Variants in DCTN1 observed in about 807,000 individuals in gnomAD.
The protein encoded by DCTN1 is dynactin subunit 1.
A neutral mutation model predicts 161.2 loss-of-function variants in DCTN1; 61 were observed. The observed-to-expected ratio is 0.38, with a 90% CI of 0.31 to 0.47. DCTN1 has a LOEUF of 0.47. DCTN1 is among the 20% of genes least tolerant of loss of function. The pLI, the probability that DCTN1 is intolerant of heterozygous loss-of-function variation, is 0.99. For missense variants in DCTN1, 1,404 were observed against 1,623.7 expected, an observed-to-expected ratio of 0.86 and a Z score of 2.33; for synonymous variants, 653 against 632.4, an observed-to-expected ratio of 1.03 and a Z score of -0.49.
At position 74,377,555 on chromosome 2, in the gene DCTN1, A is replaced by C. The variant is rs72659367; in HGVS notation, c.359-89T>G. 1,905 of 1,523,210 alleles carry C rather than the reference A, an allele frequency of 1.3e-3. 1 individual carries two copies. The highest frequency in any genetic ancestry group is 5.6e-3 in the Middle Eastern group (33 of 5,884). The allele number at this position is 1,523,210 out of a possible 1,614,324, so 94.4% of individuals were successfully genotyped here. Reference sequence around the variant, plus strand: ...GGGAATATGGTAGTGACGGAAAAAAATCTTAGGATCTACTGTGGCCCCATG... The same window carrying C: ...GGGAATATGGTAGTGACGGAAAAAACTCTTAGGATCTACTGTGGCCCCATG... On this transcript the variant is annotated intron_variant, in intron 3 of 31. Coordinates refer to ENST00000628224, the MANE Select transcript of DCTN1 (RefSeq NM_004082.5).
rs775298728 is a variant in DCTN1 at position 74,379,996 on chromosome 2, G to A, written c.33+9C>T. ...CCCTCCAGGGCCATCCCAGATTAGG[G>A]CCACTTACCCGGCTGTACACGTGCC... On this transcript the variant is annotated intron_variant, in intron 1 of 31. Transcript: ENST00000628224. 24 of 1,613,924 alleles carry A rather than the reference G, an allele frequency of 1.5e-5. No individual in the cohort carries two copies. The highest frequency in any genetic ancestry group is 6.7e-5 in the Admixed American group (4 of 60,008).
rs780516869 is a variant in DCTN1 at position 74,367,376 on chromosome 2, A to G, written c.2229T>C (p.Thr743=). The change falls in exon 19 of 32, where the codon ACT becomes ACC. Residue 743 remains threonine (T), a synonymous_variant. Coordinates refer to ENST00000628224, the MANE Select transcript of DCTN1 (RefSeq NM_004082.5). The part of the protein sequence containing the change: ...IHLAEQPEDC[T]MQLADHIKFT... ...CCTTAATGTGGTCAGCCAGCTGCAT[A>G]GTACAGTCCTCAGGCTGTTCGGCAA... 1.9e-6 allele frequency: 3 copies of G among 1,614,038 alleles called. No individual in the cohort carries two copies. Among genetic ancestry groups the G allele is most frequent in the Non-Finnish European group, 1.7e-6 (2 of 1,180,036 alleles).
At chr2:74,373,604 G>A (rs1368491344) in intron 6 of DCTN1, among the ~76,000 whole-genome samples, 1 of 152,202 alleles carries the variant, frequency 6.6e-6, no homozygotes, top group African/African-American at 2.4e-5. Context: ...CCAGAGCTCA[G>A]CAAAGTAACC....
chr2:74,363,420 G>C lies in DCTN1; in HGVS notation c.3219C>G (p.Ile1073Met). Residue 1073 changes from isoleucine to methionine, a missense_variant, in exon 28 of 32, where the codon ATC becomes ATG. Transcript: ENST00000628224. The stretch of plus-strand genomic sequence containing the variant: ...GCACAGACCCTGGAGCCTGCCCAGG[G>C]ATGGCTCCTGTGGGGACCATAAAAA... ...IAGEEQQRGAIPGQAPGSVPG... is the reference protein window; with the variant it reads ...IAGEEQQRGAMPGQAPGSVPG... 6.2e-7 allele frequency: 1 copy of C among 1,612,262 alleles called. No individual in the cohort carries two copies. Among genetic ancestry groups the C allele is most frequent in the South Asian group, 1.1e-5 (1 of 90,780 alleles).
intron 4 of DCTN1, 54 bp from the exon 5 acceptor site, chr2:74,376,816 G>A (rs1675255668): frequency 6.4e-7 from 1 of 1,560,546 alleles, no homozygotes; most frequent in Non-Finnish European, 8.7e-7. Flanking sequence ...CTGGGCATAG[G>A]TGTTAAGACC....
At position 74,362,105 on chromosome 2, in the gene DCTN1, C is replaced by T; in HGVS notation, c.3646G>A (p.Gly1216Arg). Reference sequence around the variant, plus strand: ...GCAAAGTCAGTGGGTACTGTGGCTCCAGGGCGCTGAGATACTGTCTCCTTG... The same window carrying T: ...GCAAAGTCAGTGGGTACTGTGGCTCTAGGGCGCTGAGATACTGTCTCCTTG... ...VLKETVSQRP[G>R]ATVPTDFATF... The change falls in exon 31 of 32, where the codon GGA (glycine) becomes AGA (arginine). Residue 1216 changes from glycine (G) to arginine (R), a missense_variant. Gly to Arg is a moderately radical substitution (Grantham distance 125). Transcript: ENST00000628224. 6.2e-7 allele frequency: 1 copy of T among 1,613,824 alleles called. No individual in the cohort carries two copies. The highest frequency in any genetic ancestry group is 8.5e-7 in the Non-Finnish European group (1 of 1,179,866).
At chr2:74,362,764 G>T in intron 29 of DCTN1, 35 bp from the exon 30 acceptor site, 1 of 1,601,714 alleles carries the variant, frequency 6.2e-7, no homozygotes, top group Non-Finnish European at 8.5e-7. Context: ...GCCCACCAAG[G>T]CGCAGGCAGG....
Position 74,365,565 on chromosome 2 carries a change from T to G in DCTN1, c.2979A>C (p.Lys993Asn). The change falls in exon 25 of 32, where the codon AAA (lysine) becomes AAC (asparagine). Residue 993 changes from lysine (K) to asparagine (N), a missense_variant. This residue lies in a region of DCTN1 where 475 missense variants were observed against 489.8 expected (regional missense o/e 0.97). Coordinates refer to ENST00000628224, the MANE Select transcript of DCTN1 (RefSeq NM_004082.5). ...GGGTCTCCTCCAGCCGAGTCTGGAC[T>G]TTCTCGATGCGCTCATCTGCATCCT... ...AAKDADERIE[K>N]VQTRLEETQA... 1 of 1,614,134 alleles carries G rather than the reference T, an allele frequency of 6.2e-7. No individual in the cohort carries two copies.
intron 1 of DCTN1, among the ~76,000 whole-genome samples, chr2:74,378,531 C>T (rs1354514346): frequency 2.0e-5 from 3 of 152,224 alleles, no homozygotes; most frequent in Non-Finnish European, 4.4e-5. Flanking sequence ...CACCACATGG[C>T]TGCTTTCTCA....
At chr2:74,382,009 TGAG>T (rs1170540305), upstream of DCTN1, among the ~76,000 whole-genome samples, 3 of 152,152 alleles carry the variant, frequency 2.0e-5, no homozygotes, top group Admixed American at 2.0e-4. Flanking sequence ...ACACAGACTG[TGAG>T]GAGTAGAGCC....
upstream of DCTN1, among the ~76,000 whole-genome samples, chr2:74,382,202 A>G (rs1388480660): frequency 6.6e-6 from 1 of 152,236 alleles, no homozygotes; most frequent in African/African-American, 2.4e-5. Context: ...AGGTATCAAT[A>G]GTCCCCTAAT....
intron 1 of DCTN1, chr2:74,385,633 G>A (rs189106835): frequency 7.9e-5 from 12 of 152,220 alleles, no homozygotes; most frequent in East Asian, 5.8e-4. Context: ...TTAAACCCAC[G>A]TCATCATCTG....
chr2:74,370,364 G>C lies in DCTN1; in HGVS notation c.1128-19C>G, dbSNP rs1298883156. 1.9e-6 allele frequency: 3 copies of C among 1,614,024 alleles called. No individual in the cohort carries two copies. The highest frequency in any genetic ancestry group is 2.5e-6 in the Non-Finnish European group (3 of 1,180,042). On this transcript the variant is annotated intron_variant, in intron 11 of 31. Coordinates refer to ENST00000628224, the MANE Select transcript of DCTN1 (RefSeq NM_004082.5). This position sits in a 1 kb window ranked among gnomAD's most constrained non-coding sequence, Gnocchi z 4.4. ...CCGCATCCTGCAGGGATGTGAGGAA[G>C]GCAGAAGGAGGAAAGCACGTGTCAG...
chr2:74,381,912 A>G (rs1159585058), upstream of DCTN1, among the ~76,000 whole-genome samples: 4 of 152,230 alleles, frequency 2.6e-5, no homozygotes, highest in Non-Finnish European at 1.5e-5. Flanking sequence ...ATATATAGAC[A>G]TTACAATAAC....
rs751007969 is a variant in DCTN1 at position 74,377,994 on chromosome 2, G to C, written c.279+6C>G. 1.2e-6 allele frequency: 2 copies of C among 1,614,016 alleles called. No homozygotes were observed. The highest frequency in any genetic ancestry group is 1.7e-6 in the Non-Finnish European group (2 of 1,179,980). ...ATGCACAGACACAAAAGAAGGGCGTGAATACCTGGGACTGGCGCACAAAGA... is the reference window on the plus strand; with the variant it reads ...ATGCACAGACACAAAAGAAGGGCGTCAATACCTGGGACTGGCGCACAAAGA... On this transcript the variant is annotated splice_donor_region_variant and intron_variant, in intron 2 of 31. Coordinates refer to ENST00000628224, the MANE Select transcript of DCTN1 (RefSeq NM_004082.5).
chr2:74,365,871 C>A lies in DCTN1; in HGVS notation c.2886+22G>T, dbSNP rs757386032. ...CCTACCAATTTCCTGGCCCCCAGAT[C>A]CTGAGCCTACACTACCCTCACCTTA... On this transcript the variant is annotated intron_variant, in intron 24 of 31. Transcript: ENST00000628224. 2.5e-6 allele frequency: 4 copies of A among 1,614,202 alleles called. No individual in the cohort carries two copies. In the South Asian group the frequency reaches 4.4e-5, roughly 18 times the overall value.
chr2:74,375,674 A>G (rs940248905), intron 5 of DCTN1, among the ~76,000 whole-genome samples: 6 of 152,190 alleles, frequency 3.9e-5, no homozygotes, highest in Non-Finnish European at 7.4e-5. Context: ...CCAGGAGACA[A>G]TAATCAAAGG....
At chr2:74,390,095 T>C (rs1029570616) in intron 1 of DCTN1, among the ~76,000 whole-genome samples, 1 of 152,220 alleles carries the variant, frequency 6.6e-6, no homozygotes, top group African/African-American at 2.4e-5. Flanking sequence ...GATACTTTTC[T>C]AGTCTTGCAA....
At position 74,367,630 on chromosome 2, in the gene DCTN1, G is replaced by A. The variant is rs1573155069; in HGVS notation, c.2184+66C>T. ...GGGACATACAACCTTGAATATATTA[G>A]TAAGAGCCCCCATCAAGTGAAAGCT... On this transcript the variant is annotated intron_variant, in intron 18 of 31. Transcript: ENST00000628224. 6 of 1,608,256 alleles carry A rather than the reference G, an allele frequency of 3.7e-6. No individual in the cohort carries two copies. In the South Asian group the frequency reaches 4.4e-5, roughly 12 times the overall value.
Sources: gnomAD v4.1 joint callset for allele counts (sites outside exome capture counted in the v4.1 genomes callset) on GRCh38, gnomAD v4.1.1 for gene constraint, gnomAD v4.1.1 regional missense constraint, Gnocchi (gnomAD v3.1) non-coding constraint, MANE v1.5 for transcripts, NCBI Gene and HGNC (gene_info 2026-07-23, HGNC 2026-07-21) for gene names.